EEF2K: variants seen among roughly 807,000 people sequenced by gnomAD.
EEF2K encodes the protein alternative protein EEF2K.
In EEF2K, 70 loss-of-function variants were observed where a neutral mutation model predicts 93.8. The ratio of observed to expected loss-of-function variants is 0.75; its 90% confidence interval spans 0.62 to 0.91. The LOEUF is 0.91. EEF2K is among the 40% of genes least tolerant of loss of function. The pLI is 0.00. For missense variants in EEF2K, 935 were observed against 972.9 expected (o/e 0.96, Z 0.52); for synonymous variants, 376 against 380.8 (o/e 0.99, Z 0.15).
chr16:22,235,592 G>T (rs4783450), intron 2 of EEF2K, among the ~76,000 whole-genome samples: 16,905 of 151,000 alleles, frequency 0.11, 1,138 homozygotes, highest in East Asian at 0.3. Context: ...CTGCCTCTCG[G>T]GTTCAAGTGA....
chr16:22,220,399 G>T (rs994596574), intron 1 of EEF2K, among the ~76,000 whole-genome samples: 1 of 152,054 alleles, frequency 6.6e-6, no homozygotes, highest in African/African-American at 2.4e-5. Context: ...TGGGTAAGGA[G>T]CCAGATTTGC....
chr16:22,236,746 G>A (rs1265755557), intron 2 of EEF2K, among the ~76,000 whole-genome samples: 2 of 151,152 alleles, frequency 1.3e-5, no homozygotes, highest in East Asian at 3.9e-4. Context: ...TGGCATACTC[G>A]ATGAAGTAAA....
chr16:22,250,640 G>A lies in EEF2K; in HGVS notation c.409-14G>A, dbSNP rs1246052315. On this transcript the variant is annotated splice_polypyrimidine_tract_variant and intron_variant, in intron 4 of 17. Transcript: ENST00000263026. Reference sequence around the variant, plus strand: ...GGCATGGGGACTGATAACACTCTGTGTGGTGTCTTTCAGCCCTTCGGCCGA... The same window carrying A: ...GGCATGGGGACTGATAACACTCTGTATGGTGTCTTTCAGCCCTTCGGCCGA... The A allele has an allele frequency of 6.2e-7, 1 of 1,614,220 alleles. No individual in the cohort carries two copies. The highest frequency in any genetic ancestry group is 8.5e-7 in the Non-Finnish European group (1 of 1,180,040).
intron 17 of EEF2K, 148 bp from the exon 18 acceptor site, chr16:22,283,739 G>A (rs774949216): frequency 6.2e-5 from 45 of 729,476 alleles, no homozygotes; most frequent in Middle Eastern, 4.0e-4. Context: ...AGCCCCGCCC[G>A]GAACACCTGG....
chr16:22,263,577 C>G (rs561908248), intron 12 of EEF2K, among the ~76,000 whole-genome samples: 7 of 152,132 alleles, frequency 4.6e-5, no homozygotes, highest in Non-Finnish European at 7.3e-5. Context: ...CCACTGCACT[C>G]CAGCCTGGGT....
chr16:22,222,702 TAAA>T (rs1161314400), intron 1 of EEF2K, among the ~76,000 whole-genome samples: 14,966 of 96,358 alleles, frequency 0.16, 935 homozygotes, highest in Non-Finnish European at 0.21. Flanking sequence ...ACCCCGTCCC[TAAA>T]AAAAAAAAAA....
At chr16:22,214,842 T>C (rs1250517455) in intron 1 of EEF2K, among the ~76,000 whole-genome samples, 1 of 152,082 alleles carries the variant, frequency 6.6e-6, no homozygotes, top group Non-Finnish European at 1.5e-5. Context: ...GAGCAAAGAA[T>C]TGGACAAAAC....
chr16:22,238,970 C>T (rs1053635868), intron 2 of EEF2K, among the ~76,000 whole-genome samples: 3 of 152,028 alleles, frequency 2.0e-5, no homozygotes, highest in East Asian at 1.9e-4. Flanking sequence ...CCACCAGCAG[C>T]CAAAACCTTC....
intron 2 of EEF2K, among the ~76,000 whole-genome samples, chr16:22,234,233 G>A (rs1444305025): frequency 3.3e-5 from 5 of 152,122 alleles, no homozygotes; most frequent in Non-Finnish European, 7.3e-5. Context: ...GCCCTTATTT[G>A]GCCAACTTTG....
At chr16:22,273,778 T>C in intron 16 of EEF2K, 28 bp downstream of exon 16, 1 of 1,609,956 alleles carries the variant, frequency 6.2e-7, no homozygotes, top group Non-Finnish European at 8.5e-7. Flanking sequence ...CAGGAGGAGC[T>C]GGTAGGAACC....
intron 2 of EEF2K, among the ~76,000 whole-genome samples, chr16:22,226,527 T>TTTTTTTTTTTA (rs2047066555): frequency 6.8e-6 from 1 of 146,704 alleles, no homozygotes; most frequent in African/African-American, 2.6e-5. Flanking sequence ...CTTTTTTTTT[T>TTTTTTTTTTTA]TTTTTATAAA....
Position 22,257,291 on chromosome 16 carries a change from G to A in EEF2K, c.807G>A (p.Gln269=). 2 of 1,614,142 alleles carry A rather than the reference G, an allele frequency of 1.2e-6. No individual in the cohort carries two copies. Among genetic ancestry groups the A allele is most frequent in the South Asian group, 1.1e-5 (1 of 91,080 alleles). ...TCACTTTTGAGCGTTCCGGCCATCA[G>A]CTGATAGTGGTGGACATCCAGGGAG... The part of the protein sequence containing the change: ...SHFTFERSGH[Q]LIVVDIQGVG... Residue 269 remains glutamine (Q), a synonymous_variant, in exon 8 of 18, where the codon CAG becomes CAA. Coordinates refer to ENST00000263026, the MANE Select transcript of EEF2K (RefSeq NM_013302.5).
chr16:22,271,026 G>C (rs141187063), intron 15 of EEF2K, among the ~76,000 whole-genome samples: 3,047 of 149,006 alleles, frequency 0.02, 44 homozygotes, highest in Admixed American at 0.034. Context: ...CTGGAGTGCA[G>C]TGGCATGATC....
At chr16:22,257,451 C>T (rs918359474) in intron 8 of EEF2K, 66 bp downstream of exon 8, 8 of 1,588,830 alleles carry the variant, frequency 5.0e-6, no homozygotes, top group African/African-American at 2.7e-5. Flanking sequence ...CTGAGTTCTT[C>T]GTACAGCCAA....
intron 10 of EEF2K, among the ~76,000 whole-genome samples, chr16:22,260,041 C>T (rs933170789): frequency 5.9e-5 from 9 of 152,196 alleles, no homozygotes; most frequent in Non-Finnish European, 1.2e-4. Flanking sequence ...GCATAAGACA[C>T]CGTGCCCAGC....
intron 1 of EEF2K, among the ~76,000 whole-genome samples, chr16:22,213,748 G>T (rs753235512): frequency 3.3e-5 from 5 of 152,074 alleles, no homozygotes; most frequent in Admixed American, 2.0e-4. Flanking sequence ...TGGGCTCCTG[G>T]CCCCTCCCTT....
At chr16:22,259,808 G>A (rs2047444638) in intron 10 of EEF2K, among the ~76,000 whole-genome samples, 1 of 152,032 alleles carries the variant, frequency 6.6e-6, no homozygotes, top group Non-Finnish European at 1.5e-5. Flanking sequence ...GCTGGAATGC[G>A]GTGGCGTGAT....
At chr16:22,247,575 CAG>C (rs1457663097) in intron 3 of EEF2K, among the ~76,000 whole-genome samples, 2 of 152,080 alleles carry the variant, frequency 1.3e-5, no homozygotes, top group East Asian at 3.8e-4. Flanking sequence ...AATGCTATAA[CAG>C]AGTGGCCAAG....
chr16:22,252,269 G>A (rs1477964622), intron 6 of EEF2K, among the ~76,000 whole-genome samples: 1 of 152,182 alleles, frequency 6.6e-6, no homozygotes, highest in Non-Finnish European at 1.5e-5. Context: ...GCTGCCACAG[G>A]CACGGCTGGA....
Sources: allele counts gnomAD v4.1 joint callset (sites outside exome capture counted in the v4.1 genomes callset), GRCh38; gene constraint gnomAD v4.1.1; transcripts MANE v1.5; gene names NCBI Gene and HGNC (gene_info 2026-07-23, HGNC 2026-07-21).